Variants in CNTNAP2 observed in about 807,000 individuals in gnomAD.
The protein encoded by CNTNAP2 is contactin associated protein 2.
CNTNAP2 carries 98 observed loss-of-function variants against 155.2 expected under a neutral mutation model. That is an observed-to-expected ratio of 0.63 (90% CI 0.54 to 0.75). The LOEUF (loss-of-function observed/expected upper bound fraction) is 0.75. Ranked by LOEUF, CNTNAP2 falls within the 30% of genes least tolerant of loss-of-function variation. The pLI, the probability that CNTNAP2 is intolerant of heterozygous loss-of-function variation, is 0.00. For synonymous variants in CNTNAP2, 651 were observed against 631.2 expected (o/e 1.03, Z -0.47); for missense variants, 1,727 against 1,688.1 (o/e 1.02, Z -0.40).
chr7:146,970,134 C>A (rs1038045537), intron 3 of CNTNAP2, among the ~76,000 whole-genome samples: 1 of 152,184 alleles, frequency 6.6e-6, no homozygotes, highest in Non-Finnish European at 1.5e-5. Context: ...CATTACCATT[C>A]AGGACATAGG....
chr7:148,382,327 C>T (rs1299421671), intron 21 of CNTNAP2, among the ~76,000 whole-genome samples: 3 of 152,168 alleles, frequency 2.0e-5, no homozygotes, highest in African/African-American at 7.2e-5. Flanking sequence ...GAAGGAGATA[C>T]CAAGGGGAAG....
chr7:147,184,952 T>C (rs991040998), intron 8 of CNTNAP2, among the ~76,000 whole-genome samples: 3 of 152,162 alleles, frequency 2.0e-5, no homozygotes, highest in Non-Finnish European at 4.4e-5. Flanking sequence ...ACGTTGGTAA[T>C]GCCAGCCATG....
At chr7:148,352,208 A>G (rs1443583179) in intron 21 of CNTNAP2, among the ~76,000 whole-genome samples, 1 of 152,132 alleles carries the variant, frequency 6.6e-6, no homozygotes, top group East Asian at 1.9e-4. Context: ...TTTTTACAAG[A>G]ACACTCTGGC....
At chr7:147,680,660 A>C (rs570835893) in intron 13 of CNTNAP2, among the ~76,000 whole-genome samples, 1 of 152,006 alleles carries the variant, frequency 6.6e-6, no homozygotes, top group Non-Finnish European at 1.5e-5. Context: ...CATGTTCACT[A>C]AATATCAGCC....
intron 22 of CNTNAP2, among the ~76,000 whole-genome samples, chr7:148,391,166 C>CAATAGAATTACTCA (rs1799338713): frequency 6.6e-6 from 1 of 152,058 alleles, no homozygotes; most frequent in South Asian, 2.1e-4. Flanking sequence ...GCCTCACAGG[C>CAATAGAATTACTCA]AATAGAATTA....
At position 147,662,963 on chromosome 7, in the gene CNTNAP2, T is replaced by C. The variant is rs559403965; in HGVS notation, c.2098+23657T>C. ...GTTACTTAGTTTTAGAGCGTGATTTTTTTTGTCTCACTGGATGTTTCTGGT... is the reference window on the plus strand; with the variant it reads ...GTTACTTAGTTTTAGAGCGTGATTTCTTTTGTCTCACTGGATGTTTCTGGT... On this transcript the variant is annotated intron_variant, in intron 13 of 23. Coordinates refer to ENST00000361727, the MANE Select transcript of CNTNAP2 (RefSeq NM_014141.6). Among the ~76,000 whole-genome samples the C allele has an allele frequency of 7.6e-4, 116 of 152,240 alleles. 1 individual carries two copies. Among genetic ancestry groups the C allele is most frequent in the Non-Finnish European group, 9.1e-4 (62 of 68,024 alleles).
At chr7:146,942,328 C>T (rs959848028) in intron 3 of CNTNAP2, among the ~76,000 whole-genome samples, 1 of 152,084 alleles carries the variant, frequency 6.6e-6, no homozygotes, top group Non-Finnish European at 1.5e-5. Context: ...TACTCACTTA[C>T]TCTCCCTCAG....
chr7:147,082,377 A>T (rs575608278), intron 4 of CNTNAP2, among the ~76,000 whole-genome samples: 66 of 152,334 alleles, frequency 4.3e-4, no homozygotes, highest in African/African-American at 1.5e-3. Context: ...TACTGAGAAC[A>T]GAGCCAAAAT....
chr7:147,468,443 C>A (rs62482789), intron 10 of CNTNAP2, among the ~76,000 whole-genome samples: 1 of 151,696 alleles, frequency 6.6e-6, no homozygotes, highest in African/African-American at 2.4e-5. Context: ...TCTTGCTTTT[C>A]TAAGTGTTGT....
At chr7:147,075,183 A>G (rs1163197198) in intron 4 of CNTNAP2, among the ~76,000 whole-genome samples, 2 of 152,196 alleles carry the variant, frequency 1.3e-5, no homozygotes, top group Admixed American at 1.3e-4. Context: ...CATTTTATAA[A>G]TAAATGCTTC....
chr7:147,128,927 AT>A, intron 7 of CNTNAP2, 91 bp downstream of exon 7: 8 of 1,524,262 alleles, frequency 5.2e-6, no homozygotes, highest in Non-Finnish European at 6.4e-6. Flanking sequence ...AAATCATGAC[AT>A]TTTTCATCAT....
At chr7:146,221,839 G>A (rs116044562) in intron 1 of CNTNAP2, among the ~76,000 whole-genome samples, 1 of 152,120 alleles carries the variant, frequency 6.6e-6, no homozygotes, top group East Asian at 1.9e-4. Context: ...ATTTTGCTAG[G>A]TGAACAAGTA....
At chr7:147,294,048 A>G (rs943304650) in intron 8 of CNTNAP2, among the ~76,000 whole-genome samples, 1 of 152,178 alleles carries the variant, frequency 6.6e-6, no homozygotes, top group African/African-American at 2.4e-5. Context: ...AATGGTACAT[A>G]CCACACTGTA....
At chr7:147,691,080 T>G (rs1796080393) in intron 13 of CNTNAP2, among the ~76,000 whole-genome samples, 1 of 152,114 alleles carries the variant, frequency 6.6e-6, no homozygotes. Context: ...ATGTCAGAAC[T>G]TCACTCATTC....
chr7:148,123,182 G>C (rs1014290081), intron 16 of CNTNAP2, among the ~76,000 whole-genome samples: 4 of 152,182 alleles, frequency 2.6e-5, no homozygotes, highest in Admixed American at 2.6e-4. Context: ...TCATCACTTA[G>C]AGGATCAGGA....
chr7:147,255,833 G>A (rs1161969485), intron 8 of CNTNAP2, among the ~76,000 whole-genome samples: 1 of 152,090 alleles, frequency 6.6e-6, no homozygotes, highest in Non-Finnish European at 1.5e-5. Context: ...TGCTTTCTGG[G>A]TTCAAGGGAT....
intron 1 of CNTNAP2, among the ~76,000 whole-genome samples, chr7:146,613,630 C>T (rs1799176513): frequency 1.3e-5 from 2 of 151,998 alleles, no homozygotes; most frequent in Admixed American, 1.3e-4. Flanking sequence ...AATATGAGAA[C>T]TATAGGTAGG....
At chr7:148,176,408 A>G (rs1794938014) in intron 18 of CNTNAP2, among the ~76,000 whole-genome samples, 1 of 150,708 alleles carries the variant, frequency 6.6e-6, no homozygotes, top group Non-Finnish European at 1.5e-5. Context: ...TTTAGTACAG[A>G]CGGTTTCAAC....
At position 146,644,181 on chromosome 7, in the gene CNTNAP2, A is replaced by G. The variant is rs1283625988; in HGVS notation, c.98-130090A>G. 2.6e-5 allele frequency among the ~76,000 whole-genome samples: 4 copies of G among 151,782 alleles called. No individual in the cohort carries two copies. The East Asian group carries it at 5.8e-4, about 22-fold the overall frequency. On this transcript the variant is annotated intron_variant, in intron 1 of 23. Coordinates refer to ENST00000361727, the MANE Select transcript of CNTNAP2 (RefSeq NM_014141.6). ...CTTCTCCTGCCTAATTGCCCTGGCC[A>G]GAACACTATGTTGAATAGGAGTGGT...
Sources: gnomAD v4.1 joint callset for allele counts (sites outside exome capture counted in the v4.1 genomes callset) on GRCh38, gnomAD v4.1.1 for gene constraint, MANE v1.5 for transcripts, NCBI Gene and HGNC (gene_info 2026-07-23, HGNC 2026-07-21) for gene names.